ZNF43: variants seen among roughly 807,000 people sequenced by gnomAD.
The protein encoded by ZNF43 is zinc finger protein 39-like 1 (KOX 27).
A neutral mutation model predicts 68.4 loss-of-function variants in ZNF43; 44 were observed. The ratio of observed to expected loss-of-function variants is 0.64; its 90% confidence interval spans 0.51 to 0.83. The LOEUF (loss-of-function observed/expected upper bound fraction) is 0.83. ZNF43 is among the 40% of genes least tolerant of loss of function. ZNF43 has a pLI of 0.00. For missense variants in ZNF43, 896 were observed against 933.2 expected (o/e 0.96, Z 0.52); for synonymous variants, 308 against 307.8 (o/e 1.00, Z -0.01).
In ZNF43 at chr19:21,809,213, G is replaced by A. The variant is rs116499302; in HGVS notation, c.824C>T (p.Thr275Ile). 7.7e-4 allele frequency: 1,233 copies of A among 1,611,124 alleles called. 12 individuals are homozygous for A. The African/African-American group carries it at 0.015, about 20-fold the overall frequency. ...CTCTCCAGTGCGAATTATCTTATGG[G>A]TAGTAAGGATTGAGGACTTGTTAAA... is the stretch of plus-strand genomic sequence containing the variant. ...KAFNKSSILT[T>I]HKIIRTGEKF... The change falls in exon 4 of 4, where the codon ACC becomes ATC. Residue 275 changes from threonine to isoleucine, a missense_variant. Thr to Ile is a moderately conservative substitution (Grantham distance 89, BLOSUM62 -1). Transcript: ENST00000354959.
At chr19:21,810,045 A>T (rs574112309) in intron 3 of ZNF43, among the ~76,000 whole-genome samples, 64 of 152,340 alleles carry the variant, frequency 4.2e-4, no homozygotes, top group African/African-American at 1.5e-3. Flanking sequence ...AGCCACATAG[A>T]AGGAAAATAT....
upstream of ZNF43, chr19:21,838,053 A>G (rs1178631063): frequency 6.6e-6 from 1 of 152,222 alleles, no homozygotes; most frequent in East Asian, 1.9e-4. Context: ...ACAGCAGTGC[A>G]GAGGAAGCAA....
chr19:21,831,384 C>T (rs1484912237), intron 1 of ZNF43, among the ~76,000 whole-genome samples: 1 of 151,692 alleles, frequency 6.6e-6, no homozygotes, highest in South Asian at 2.1e-4. Flanking sequence ...TTTTTTGAGA[C>T]GGTGTCTTGC....
intron 1 of ZNF43, among the ~76,000 whole-genome samples, chr19:21,850,385 C>A (rs529705602): frequency 1.3e-4 from 20 of 151,960 alleles, no homozygotes; most frequent in African/African-American, 4.6e-4. Context: ...CATGGTGAAA[C>A]CCCATCTCCA....
intron 1 of ZNF43, among the ~76,000 whole-genome samples, chr19:21,834,359 GA>G (rs2038582980): frequency 2.9e-5 from 4 of 140,108 alleles, no homozygotes; most frequent in East Asian, 4.3e-4. Flanking sequence ...AAAAAGTAAA[GA>G]AAAAAAGAAA....
At chr19:21,836,334 AG>A (rs1274424276), upstream of ZNF43, 7 of 1,084,430 alleles carry the variant, frequency 6.5e-6, no homozygotes, top group Non-Finnish European at 8.3e-6. Flanking sequence ...CTGGGCTGAA[AG>A]AAGAAAGAAT....
At position 21,809,302 on chromosome 19, in the gene ZNF43, A is replaced by C; in HGVS notation, c.735T>G (p.Leu245=). The C allele has an allele frequency of 7.4e-6, 12 of 1,613,400 alleles. No individual in the cohort carries two copies. The highest frequency in any genetic ancestry group is 9.3e-6 in the Non-Finnish European group (11 of 1,179,816). ...CGKVFNWSSR[L]TTHKKNYTRY... ...TAGTATAATTTTTTTTATGTGTAGTAAGGCGTGAGGACCAATTAAAGACTT... is the reference window on the plus strand; with the variant it reads ...TAGTATAATTTTTTTTATGTGTAGTCAGGCGTGAGGACCAATTAAAGACTT... The change falls in exon 4 of 4, where the codon CTT becomes CTG. Residue 245 remains leucine, a synonymous_variant. Transcript: ENST00000354959.
chr19:21,829,032 CAAAAAAAAAAAAAAA>C (rs551226809), intron 1 of ZNF43, among the ~76,000 whole-genome samples: 57 of 38,816 alleles, frequency 1.5e-3, no homozygotes, highest in Non-Finnish European at 2.1e-3. Flanking sequence ...GACTCTGTCT[CAAAAAAAAAAAAAAA>C]AAAAAAAAAA....
chr19:21,848,938 T>C (rs149324025), intron 1 of ZNF43, among the ~76,000 whole-genome samples: 107 of 152,216 alleles, frequency 7.0e-4, no homozygotes, highest in African/African-American at 2.5e-3. Flanking sequence ...ATTGAAAAAT[T>C]CTCACCTATG....
intron 1 of ZNF43, among the ~76,000 whole-genome samples, chr19:21,846,376 T>C (rs1056037828): frequency 1.1e-4 from 17 of 152,224 alleles, no homozygotes; most frequent in African/African-American, 4.1e-4. Context: ...TCACATCACC[T>C]GTGTGCTGGG....
At chr19:21,837,415 CTTTTTTTTTTTTTTTT>C (rs539940868), upstream of ZNF43, among the ~76,000 whole-genome samples, 5 of 83,958 alleles carry the variant, frequency 6.0e-5, no homozygotes, top group Non-Finnish European at 8.8e-5. Context: ...CCTACACTTA[CTTTTTTTTTTTTTTTT>C]TTTTTTTTTT....
In ZNF43 at chr19:21,813,083, A is replaced by C. The variant is rs139228270; in HGVS notation, c.230-3276T>G. 2.6e-3 allele frequency among the ~76,000 whole-genome samples: 398 copies of C among 152,224 alleles called. 2 individuals carry two copies. The highest frequency in any genetic ancestry group is 9.4e-3 in the African/African-American group (390 of 41,534). ...CATGGAATAACTCCATCTCTACTAA[A>C]AATACAAAATTAACCAGGCATGGTG... On this transcript the variant is annotated intron_variant, in intron 3 of 3. Coordinates refer to ENST00000354959, the MANE Select transcript of ZNF43 (RefSeq NM_003423.4).
chr19:21,844,921 A>AAAAAAAAATATATATATATATAT (rs1310761266), intron 1 of ZNF43, among the ~76,000 whole-genome samples: 1 of 26,050 alleles, frequency 3.8e-5, no homozygotes, highest in African/African-American at 2.2e-4. Context: ...AAAAAAAAAA[A>AAAAAAAAATATATATATATATAT]ATATATATAT....
intron 1 of ZNF43, among the ~76,000 whole-genome samples, chr19:21,829,133 A>G (rs1400050700): frequency 6.6e-6 from 1 of 150,894 alleles, no homozygotes; most frequent in Non-Finnish European, 1.5e-5. Context: ...CTAAGGCAGG[A>G]GAATCGCTTG....
At position 21,811,553 on chromosome 19, in the gene ZNF43, A is replaced by C. The variant is rs567479704; in HGVS notation, c.230-1746T>G. Among the ~76,000 whole-genome samples the C allele has an allele frequency of 1.7e-4, 26 of 151,978 alleles. No individual in the cohort carries two copies. The East Asian group carries it at 5.0e-3, about 29-fold the overall frequency. ...CTGTCTCTAAAAAAAAAAACAAAAA[A>C]AAAAAACTATAGCCAAGCAACTATG... On this transcript the variant is annotated intron_variant, in intron 3 of 3. Transcript: ENST00000354959.
At chr19:21,830,911 A>C (rs758244039) in intron 1 of ZNF43, among the ~76,000 whole-genome samples, 6 of 152,240 alleles carry the variant, frequency 3.9e-5, no homozygotes, top group Non-Finnish European at 8.8e-5. Context: ...ACTATGATCA[A>C]GTAGCCTATA....
chr19:21,847,923 C>T (rs996016210), intron 1 of ZNF43, among the ~76,000 whole-genome samples: 1 of 151,468 alleles, frequency 6.6e-6, no homozygotes, highest in Non-Finnish European at 1.5e-5. Flanking sequence ...CTCCATGTCC[C>T]GCAATTCTCC....
At chr19:21,813,783 G>A (rs1015709297) in intron 3 of ZNF43, among the ~76,000 whole-genome samples, 1 of 148,672 alleles carries the variant, frequency 6.7e-6, no homozygotes, top group African/African-American at 2.5e-5. Context: ...TTTTTTTTAA[G>A]ACAGGTTCTC....
chr19:21,846,459 A>G lies in ZNF43; in HGVS notation c.30+5446T>C, dbSNP rs112656962. 3.7e-4 allele frequency among the ~76,000 whole-genome samples: 57 copies of G among 152,306 alleles called. 1 individual carries two copies. Among genetic ancestry groups the G allele is most frequent in the African/African-American group, 1.3e-3 (53 of 41,572 alleles). Reference sequence around the variant, plus strand: ...AGATATATTACAATCTGACCTATGGACAAAGCCCAGATAAAAGAGGAGAGT... The same window carrying G: ...AGATATATTACAATCTGACCTATGGGCAAAGCCCAGATAAAAGAGGAGAGT... On this transcript the variant is annotated intron_variant, in intron 1 of 3. Coordinates refer to the ZNF43 transcript ENST00000357491.
Sources: gnomAD v4.1 joint callset for allele counts (sites outside exome capture counted in the v4.1 genomes callset) on GRCh38, gnomAD v4.1.1 for gene constraint, MANE v1.5 for transcripts, NCBI Gene and HGNC (gene_info 2026-07-23, HGNC 2026-07-21) for gene names.